ABCA1: variants seen among roughly 807,000 people sequenced by gnomAD.
The protein encoded by ABCA1 is ATP binding cassette subfamily A member 1.
In ABCA1, 133 loss-of-function variants were observed where a neutral mutation model predicts 262.5. That is an observed-to-expected ratio of 0.51 (90% CI 0.44 to 0.59). ABCA1 has a LOEUF of 0.59. Ranked by LOEUF, ABCA1 falls within the 20% of genes least tolerant of loss-of-function variation. The pLI is 0.00. For missense variants in ABCA1, 2,452 were observed against 2,777.5 expected (o/e 0.88, Z 2.63); for synonymous variants, 1,022 against 1,043.5 (o/e 0.98, Z 0.40).
intron 5 of ABCA1, among the ~76,000 whole-genome samples, chr9:104,869,128 G>T (rs1294900109): frequency 6.6e-6 from 1 of 152,158 alleles, no homozygotes; most frequent in Admixed American, 6.5e-5. Context: ...GTTACTCTCG[G>T]TCAGTGCCCT....
In ABCA1 at chr9:104,804,699, T is replaced by C. The variant is rs1411986950; in HGVS notation, c.4486A>G (p.Ile1496Val). The C allele has an allele frequency of 6.2e-7, 1 of 1,614,040 alleles. No homozygotes were observed. ...TTTCTTCCTGTCAGGTCCTGAAGGA[T>C]ATCTGCAGTGTTTTGTTTTCTCTGT... ...PPQRKQNTAD[I>V]LQDLTGRNIS... Residue 1496 changes from isoleucine (I) to valine (V), a missense_variant, in exon 32 of 50, where the codon ATC becomes GTC. Physicochemically the swap from Ile to Val is conservative, Grantham distance 29. This residue lies in a region of ABCA1 where 752 missense variants were observed against 944.5 expected (regional missense o/e 0.80). Transcript: ENST00000374736.
At chr9:104,880,452 T>C (rs1838530663) in intron 5 of ABCA1, among the ~76,000 whole-genome samples, 1 of 150,596 alleles carries the variant, frequency 6.6e-6, no homozygotes, top group Non-Finnish European at 1.5e-5. Flanking sequence ...GTGAGCTCAG[T>C]GAGCTCTAAG....
Position 104,884,465 on chromosome 9 carries a change from C to G in ABCA1, c.264G>C (p.Gly88=), listed in dbSNP as rs757447945. Residue 88 remains glycine, a synonymous_variant, in exon 4 of 50, where the codon GGG becomes GGC. Transcript: ENST00000374736. ...AGTTTCCAACAACTCCGGGAGCCTC[C>G]CCAGGAGTCGGGTAACGGAAACAGG... ...NNPCFRYPTP[G]EAPGVVGNFN... 1.6e-5 allele frequency: 26 copies of G among 1,614,056 alleles called. No homozygotes were observed. The highest frequency in any genetic ancestry group is 2.2e-5 in the Non-Finnish European group (26 of 1,180,042).
intron 4 of ABCA1, 21 bp downstream of exon 4, chr9:104,884,406 A>G (rs1838968256): frequency 6.2e-7 from 1 of 1,614,096 alleles, no homozygotes; most frequent in Non-Finnish European, 8.5e-7. Flanking sequence ...GTTTGGAAAG[A>G]AAACCTGATC....
At chr9:104,787,769 A>C in intron 46 of ABCA1, 151 bp downstream of exon 46, 29 of 1,507,936 alleles carry the variant, frequency 1.9e-5, no homozygotes, top group Non-Finnish European at 2.5e-5. Context: ...GTGCCAAGGG[A>C]GAAGCTTCCC....
In ABCA1 at chr9:104,792,005, C is replaced by T; in HGVS notation, c.5758-7G>A. The T allele has an allele frequency of 1.9e-6, 3 of 1,612,218 alleles. No homozygotes were observed. Among genetic ancestry groups the T allele is most frequent in the Non-Finnish European group, 2.5e-6 (3 of 1,179,234 alleles). On this transcript the variant is annotated splice_polypyrimidine_tract_variant and splice_region_variant and intron_variant, in intron 42 of 49. Coordinates refer to ENST00000374736, the MANE Select transcript of ABCA1 (RefSeq NM_005502.4). Reference sequence around the variant, plus strand: ...TCCGCTTCCTTCTATATATCTGCAACAAACAAAATGTAAACATTCATAAGC... The same window carrying T: ...TCCGCTTCCTTCTATATATCTGCAATAAACAAAATGTAAACATTCATAAGC...
chr9:104,829,257 A>T (rs1588327313), intron 14 of ABCA1, 119 bp from the exon 15 acceptor site: 2 of 902,670 alleles, frequency 2.2e-6, no homozygotes, highest in South Asian at 1.4e-5. Flanking sequence ...ACAGAAGGAC[A>T]GGCCCTCTAG....
rs1039150502 is a variant in ABCA1, at chr9:104,910,115, C to G, written c.-92-6344G>C. Among the ~76,000 whole-genome samples, 3 of 152,264 alleles carry G rather than the reference C, an allele frequency of 2.0e-5. No homozygotes were observed. In the South Asian group the frequency reaches 6.2e-4, roughly 32 times the overall value. On this transcript the variant is annotated intron_variant, in intron 1 of 49. Coordinates refer to ENST00000374736, the MANE Select transcript of ABCA1 (RefSeq NM_005502.4). ...TGACAGTCAGCCCTCATGCCTGAGC[C>G]AGGGCAGGTTCCAGAAGAGGGAAGT...
At chr9:104,819,776 G>A (rs1832133711) in intron 21 of ABCA1, 53 bp from the exon 22 acceptor site, 13 of 1,613,516 alleles carry the variant, frequency 8.1e-6, no homozygotes, top group Middle Eastern at 1.7e-4. Flanking sequence ...GACAGTGAGT[G>A]AAGGCAGAGG....
At chr9:104,911,023 T>G (rs1410656485) in intron 1 of ABCA1, among the ~76,000 whole-genome samples, 1 of 152,178 alleles carries the variant, frequency 6.6e-6, no homozygotes, top group Admixed American at 6.5e-5. Context: ...TCTCTCTTGA[T>G]GAGGTTGCTT....
chr9:104,884,079 T>C (rs1214256142), intron 4 of ABCA1, among the ~76,000 whole-genome samples: 1 of 152,236 alleles, frequency 6.6e-6, no homozygotes, highest in African/African-American at 2.4e-5. Context: ...CCTTCCAGCA[T>C]GCATCTTTGT....
intron 5 of ABCA1, among the ~76,000 whole-genome samples, chr9:104,876,440 C>T (rs145506995): frequency 6.6e-6 from 1 of 152,230 alleles, no homozygotes; most frequent in African/African-American, 2.4e-5. Flanking sequence ...GGTACCTGCT[C>T]AAGAGGGGAC....
chr9:104,853,088 T>C (rs534563922), intron 7 of ABCA1, among the ~76,000 whole-genome samples: 1 of 152,348 alleles, frequency 6.6e-6, no homozygotes, highest in East Asian at 1.9e-4. Flanking sequence ...ACTTGTCTTC[T>C]GGGAGCCTCG....
At chr9:104,832,341 T>C (rs1048657788) in intron 12 of ABCA1, among the ~76,000 whole-genome samples, 8 of 152,234 alleles carry the variant, frequency 5.3e-5, no homozygotes, top group African/African-American at 1.7e-4. Context: ...TGAGCCTATA[T>C]AGAATAAGCT....
intron 3 of ABCA1, among the ~76,000 whole-genome samples, chr9:104,886,866 A>C (rs554068128): frequency 6.6e-6 from 1 of 152,324 alleles, no homozygotes; most frequent in East Asian, 1.9e-4. Context: ...GAGAATTTCA[A>C]ACCAGTCCTT....
chr9:104,855,910 A>G (rs535813011), intron 7 of ABCA1: 1 of 1,612,868 alleles, frequency 6.2e-7, no homozygotes, highest in African/African-American at 1.3e-5. Context: ...GCACACACAA[A>G]AGGAGAAATG....
intron 1 of ABCA1, among the ~76,000 whole-genome samples, chr9:104,908,406 C>T (rs980817452): frequency 3.9e-5 from 6 of 152,210 alleles, no homozygotes; most frequent in African/African-American, 7.2e-5. Flanking sequence ...GTGGCTCATG[C>T]CTGTAATCCT....
chr9:104,802,119 G>A lies in ABCA1; in HGVS notation c.4633C>T (p.Leu1545Phe). The change falls in exon 34 of 50, where the codon CTT becomes TTT. Residue 1545 changes from leucine (L) to phenylalanine (F), a missense_variant. Transcript: ENST00000374736. ...FSLGVSNTQA[L>F]PPSQEVNDAI... ...TCATTAACTTCTTGACTCGGAGGAA[G>A]TGCTTGAGTATTACTGACACCCAGG... is the stretch of plus-strand genomic sequence containing the variant. 1 of 1,614,190 alleles carries A rather than the reference G, an allele frequency of 6.2e-7. No homozygotes were observed. The highest frequency in any genetic ancestry group is 8.5e-7 in the Non-Finnish European group (1 of 1,180,036).
chr9:104,802,480 G>A (rs1326028600), intron 33 of ABCA1, among the ~76,000 whole-genome samples: 1 of 152,196 alleles, frequency 6.6e-6, no homozygotes, highest in Non-Finnish European at 1.5e-5. Flanking sequence ...TGGGTCTGGA[G>A]GCAAGCAGAT....
Sources: allele counts gnomAD v4.1 joint callset (sites outside exome capture counted in the v4.1 genomes callset), GRCh38; gene constraint gnomAD v4.1.1; regional missense constraint gnomAD v4.1.1; transcripts MANE v1.5; gene names NCBI Gene and HGNC (gene_info 2026-07-23, HGNC 2026-07-21).